The following MR1 variants were observed in gnomAD, a reference collection of about 807,000 sequenced individuals.
MR1 encodes the protein major histocompatibility complex, class I-related, also known as major histocompatibility complex class I-related protein 1.
A neutral mutation model predicts 37.8 loss-of-function variants in MR1; 44 were observed. That is an observed-to-expected ratio of 1.16 (90% CI 0.91 to 1.50). The LOEUF (loss-of-function observed/expected upper bound fraction) is 1.50. Among genes scored for constraint, MR1 ranks in the 40% most tolerant of loss-of-function variants. MR1 has a pLI of 0.00. For synonymous variants in MR1, 153 were observed against 155.8 expected (o/e 0.98, Z 0.13); for missense variants, 386 against 419.1 (o/e 0.92, Z 0.69).
intron 1 of MR1, among the ~76,000 whole-genome samples, chr1:181,035,728 C>T (rs1657236139): frequency 6.6e-6 from 1 of 152,086 alleles, no homozygotes; most frequent in Admixed American, 6.6e-5. Context: ...TTCTCTAGGC[C>T]TAGAGAGTGA....
intron 1 of MR1, among the ~76,000 whole-genome samples, chr1:181,042,308 T>G (rs542385379): frequency 6.6e-6 from 1 of 151,216 alleles, no homozygotes; most frequent in Admixed American, 6.6e-5. Flanking sequence ...GTTCAAGCGA[T>G]TCTCCTGCCT....
intron 1 of MR1, among the ~76,000 whole-genome samples, chr1:181,048,666 T>C (rs1228138180): frequency 1.3e-5 from 2 of 152,138 alleles, no homozygotes; most frequent in Non-Finnish European, 2.9e-5. Flanking sequence ...GAAGGCTGCG[T>C]CATCAGGGTT....
At position 181,049,273 on chromosome 1, in the gene MR1, G is replaced by C. The variant is rs759213958; in HGVS notation, c.289G>C (p.Val97Leu). ...LLRGWQQMFK[V>L]ELKRLQRHYN... The stretch of plus-strand genomic sequence containing the variant: ...GAGGGGCTGGCAGCAGATGTTCAAG[G>C]TGGAACTGAAGCGCCTACAGAGGCA... Residue 97 changes from valine (V) to leucine (L), a missense_variant, in exon 2 of 6, where the codon GTG (valine) becomes CTG (leucine). Transcript: ENST00000367580. 1 of 1,614,110 alleles carries C rather than the reference G, an allele frequency of 6.2e-7. No individual in the cohort carries two copies. Among genetic ancestry groups the C allele is most frequent in the Non-Finnish European group, 8.5e-7 (1 of 1,179,982 alleles).
intron 1 of MR1, among the ~76,000 whole-genome samples, chr1:181,038,676 A>G (rs1657397714): frequency 6.6e-6 from 1 of 152,224 alleles, no homozygotes; most frequent in African/African-American, 2.4e-5. Context: ...AGCTTCCCCT[A>G]CACTAGGGAG....
chr1:181,033,730 C>T (rs542839229), upstream of MR1, among the ~76,000 whole-genome samples: 1 of 152,170 alleles, frequency 6.6e-6, no homozygotes, highest in Non-Finnish European at 1.5e-5. Flanking sequence ...TTTCTCTGTG[C>T]TTTGAACATG....
intron 1 of MR1, among the ~76,000 whole-genome samples, chr1:181,035,924 T>G (rs973991725): frequency 2.0e-5 from 3 of 152,186 alleles, no homozygotes; most frequent in African/African-American, 7.2e-5. Context: ...GCTGTTCTCC[T>G]TCTGACTCCT....
Position 181,052,347 on chromosome 1 carries a change from C to G in MR1, c.717C>G (p.Asn239Lys), listed in dbSNP as rs35223984. The change falls in exon 4 of 6, where the codon AAC (asparagine) becomes AAG (lysine). Residue 239 changes from asparagine to lysine, a missense_variant. Coordinates refer to ENST00000367580, the MANE Select transcript of MR1 (RefSeq NM_001385161.1). The stretch of plus-strand genomic sequence containing the variant: ...AAATTTACATGACATGGATGAAAAA[C>G]GGGGAAGAAATTGTCCAAGAAATTG... ...PPEIYMTWMKNGEEIVQEIDY... is the reference protein window; with the variant it reads ...PPEIYMTWMKKGEEIVQEIDY... 1.2e-6 allele frequency: 2 copies of G among 1,613,982 alleles called. No individual in the cohort carries two copies. Among genetic ancestry groups the G allele is most frequent in the Non-Finnish European group, 8.5e-7 (1 of 1,180,038 alleles).
chr1:181,048,535 A>G (rs1015593367), intron 1 of MR1, among the ~76,000 whole-genome samples: 4 of 106,506 alleles, frequency 3.8e-5, no homozygotes, highest in African/African-American at 1.5e-4. Flanking sequence ...ACTCCATCTC[A>G]AAAAAAAAAA....
intron 1 of MR1, among the ~76,000 whole-genome samples, chr1:181,046,707 C>T (rs1003796216): frequency 6.6e-6 from 1 of 152,126 alleles, no homozygotes; most frequent in African/African-American, 2.4e-5. Context: ...TTGTTTCGCT[C>T]TTTGCAATAA....
At chr1:181,050,828 T>C (rs7535880) in intron 3 of MR1, 1 of 158,770 alleles carries the variant, frequency 6.3e-6, no homozygotes, top group Non-Finnish European at 1.4e-5. Context: ...CCTGTCTCTA[T>C]TAAAAAAAAA....
rs2102408137 is a variant in MR1, at chr1:181,056,064, T to C, written c.*799T>C. On this transcript the variant is annotated 3_prime_UTR_variant, in exon 6 of 6. Coordinates refer to ENST00000367580, the MANE Select transcript of MR1 (RefSeq NM_001385161.1). ...AGACCTGGACCCAGCTGCACTATTT[T>C]AATGTAAAAATAACAGTATGGCCAG... The C allele has an allele frequency of 6.6e-6, 1 of 152,262 alleles. No homozygotes were observed. The highest frequency in any genetic ancestry group is 1.5e-5 in the Non-Finnish European group (1 of 68,034). The allele number at this position is 152,262 out of a possible 1,614,324, so 9.4% of individuals were successfully genotyped here. A position where few individuals can be genotyped will look rare whatever the true frequency, so the allele number is the denominator to read the frequency against.
chr1:181,035,469 T>C (rs939216627), intron 1 of MR1, among the ~76,000 whole-genome samples: 4 of 151,672 alleles, frequency 2.6e-5, no homozygotes, highest in African/African-American at 9.7e-5. Context: ...ATCCAGAAAG[T>C]GTCATCATTT....
intron 2 of MR1, 27 bp downstream of exon 2, chr1:181,049,339 T>G (rs763329715): frequency 6.3e-7 from 1 of 1,597,578 alleles, no homozygotes; most frequent in Non-Finnish European, 8.5e-7. Flanking sequence ...GACAGACGCT[T>G]CCCCCATCCC....
At chr1:181,047,341 C>G (rs1370429476) in intron 1 of MR1, among the ~76,000 whole-genome samples, 1 of 152,068 alleles carries the variant, frequency 6.6e-6, no homozygotes, top group Non-Finnish European at 1.5e-5. Flanking sequence ...TGGCTCACAC[C>G]TGTAATCCCA....
At chr1:181,035,203 A>G (rs918791191) in intron 1 of MR1, among the ~76,000 whole-genome samples, 2 of 151,908 alleles carry the variant, frequency 1.3e-5, no homozygotes, top group African/African-American at 2.4e-5. Context: ...AGCTGTGCAC[A>G]GTGCGCACCT....
intron 1 of MR1, among the ~76,000 whole-genome samples, chr1:181,043,269 C>T (rs1253612652): frequency 1.3e-5 from 2 of 152,226 alleles, no homozygotes; most frequent in Non-Finnish European, 2.9e-5. Context: ...CCTTATGCTG[C>T]CCCAGCCTGT....
At chr1:181,048,118 T>G (rs1487530499) in intron 1 of MR1, among the ~76,000 whole-genome samples, 1 of 150,082 alleles carries the variant, frequency 6.7e-6, no homozygotes, top group Non-Finnish European at 1.5e-5. Flanking sequence ...TTTTGGAGGC[T>G]GGGGCAGAGA....
intron 2 of MR1, chr1:181,049,663 A>T (rs10797666): frequency 8.3e-6 from 4 of 479,780 alleles, no homozygotes; most frequent in South Asian, 5.4e-5. Flanking sequence ...CTTGCTTATG[A>T]GTATCGACAG....
intron 1 of MR1, among the ~76,000 whole-genome samples, chr1:181,046,912 G>C (rs571704574): frequency 9.2e-5 from 14 of 152,156 alleles, no homozygotes; most frequent in South Asian, 4.2e-4. Flanking sequence ...GAGCCAGCGA[G>C]AGCACCAACC....
Sources: allele counts gnomAD v4.1 joint callset (sites outside exome capture counted in the v4.1 genomes callset), GRCh38; gene constraint gnomAD v4.1.1; transcripts MANE v1.5; gene names NCBI Gene and HGNC (gene_info 2026-07-23, HGNC 2026-07-21).